Variants in C1QTNF3 observed in about 807,000 individuals in gnomAD.
C1QTNF3 encodes C1q and TNF related 3.
C1QTNF3 carries 26 observed loss-of-function variants against 32.6 expected under a neutral mutation model. The ratio of observed to expected loss-of-function variants is 0.80; its 90% CI spans 0.58 to 1.11. The LOEUF is 1.11. Among genes scored for constraint, C1QTNF3 ranks in the 50% least tolerant of loss-of-function variants. The probability of loss-of-function intolerance (pLI) is 0.00; values close to 1 mark genes in which losing one functional copy is unlikely to be tolerated. For missense variants in C1QTNF3, 362 were observed against 398.2 expected (o/e 0.91, Z 0.77); for synonymous variants, 155 against 146.0 (o/e 1.06, Z -0.44).
At chr5:34,039,828 T>A (rs776488927) in intron 1 of C1QTNF3, among the ~76,000 whole-genome samples, 2 of 152,218 alleles carry the variant, frequency 1.3e-5, no homozygotes, top group Non-Finnish European at 2.9e-5. Context: ...TTTTAGTATC[T>A]AGGCACAAGA....
At chr5:34,157,745 A>C in the C1QTNF3 span, among the ~76,000 whole-genome samples, 1 of 152,154 alleles carries the variant, frequency 6.6e-6, no homozygotes, top group Non-Finnish European at 1.5e-5. Flanking sequence ...CAAGGAAATA[A>C]AATATTTCTT....
At chr5:34,080,001 T>A in the C1QTNF3 span, among the ~76,000 whole-genome samples, 2 of 151,888 alleles carry the variant, frequency 1.3e-5, no homozygotes, top group East Asian at 3.9e-4. Context: ...GTGCATGGCA[T>A]AGATTGTGGA....
At chr5:34,037,846 T>A (rs1315349617) in intron 1 of C1QTNF3, among the ~76,000 whole-genome samples, 2 of 152,208 alleles carry the variant, frequency 1.3e-5, no homozygotes, top group Admixed American at 1.3e-4. Context: ...TCCAAAACTG[T>A]AATCTGAGAA....
the C1QTNF3 span, among the ~76,000 whole-genome samples, chr5:34,158,963 CAT>C: frequency 3.3e-5 from 5 of 151,612 alleles, no homozygotes; most frequent in South Asian, 2.1e-4. Context: ...CACAAACAAT[CAT>C]ATATATATAT....
the C1QTNF3 span, among the ~76,000 whole-genome samples, chr5:34,236,096 C>T: frequency 1.3e-5 from 2 of 152,098 alleles, no homozygotes; most frequent in African/African-American, 4.8e-5. Flanking sequence ...ATTTTGGAGA[C>T]TAAGTTGGAT....
At chr5:34,109,496 T>A in the C1QTNF3 span, among the ~76,000 whole-genome samples, 3 of 152,100 alleles carry the variant, frequency 2.0e-5, no homozygotes, top group South Asian at 6.2e-4. Flanking sequence ...ATTAATTAAA[T>A]CATAATTACA....
At chr5:34,029,129 T>C (rs994274884) in intron 3 of C1QTNF3, 2 of 270,132 alleles carry the variant, frequency 7.4e-6, no homozygotes, top group Admixed American at 1.1e-4. Flanking sequence ...CAAATGATTT[T>C]TGAAATACTA....
chr5:34,036,263 A>G (rs1453191094), intron 1 of C1QTNF3, among the ~76,000 whole-genome samples: 1 of 152,250 alleles, frequency 6.6e-6, no homozygotes, highest in Non-Finnish European at 1.5e-5. Context: ...AATTCTGAAT[A>G]GTAACACTAG....
the C1QTNF3 span, among the ~76,000 whole-genome samples, chr5:34,053,720 C>T: frequency 2.6e-5 from 4 of 152,266 alleles, no homozygotes; most frequent in East Asian, 3.9e-4. Flanking sequence ...TATATTTGAC[C>T]GAATAATAGC....
rs924461050 is a variant in C1QTNF3 at position 34,019,714 on chromosome 5, G to A, written c.*869C>T. 4 of 152,152 alleles carry A rather than the reference G, an allele frequency of 2.6e-5. No homozygotes were observed. The highest frequency in any genetic ancestry group is 4.4e-5 in the Non-Finnish European group (3 of 68,026). 9.4% of individuals were successfully genotyped at this position (152,152 alleles called of 1,614,324 possible). On this transcript the variant is annotated 3_prime_UTR_variant, in exon 6 of 6. Coordinates refer to ENST00000382065, the MANE Select transcript of C1QTNF3 (RefSeq NM_181435.6). ...TAGAAAGTATCTTTAACAAAGGTGT[G>A]TTTATTTCCATATATTGCTCATTAC...
the C1QTNF3 span, among the ~76,000 whole-genome samples, chr5:34,195,203 C>T: frequency 1.3e-5 from 2 of 152,068 alleles, no homozygotes; most frequent in Admixed American, 1.3e-4. Flanking sequence ...ACATTGTACC[C>T]CATATATATG....
At chr5:34,101,360 C>A in the C1QTNF3 span, among the ~76,000 whole-genome samples, 162 of 152,026 alleles carry the variant, frequency 1.1e-3, no homozygotes, top group Middle Eastern at 0.01. Flanking sequence ...TTAGTCTCAT[C>A]ATCTGTAAAA....
the C1QTNF3 span, among the ~76,000 whole-genome samples, chr5:34,061,665 C>G: frequency 6.6e-6 from 1 of 152,182 alleles, no homozygotes; most frequent in African/African-American, 2.4e-5. Flanking sequence ...GGCCCCAGCT[C>G]TATGTTGGCA....
upstream of C1QTNF3, among the ~76,000 whole-genome samples, chr5:34,044,009 A>T (rs548260415): frequency 7.5e-4 from 114 of 152,300 alleles, 1 homozygote; most frequent in Non-Finnish European, 1.1e-3. Context: ...AGCCCAAGAC[A>T]GGTAGATCCC....
At chr5:34,178,168 C>A in the C1QTNF3 span, among the ~76,000 whole-genome samples, 2 of 146,828 alleles carry the variant, frequency 1.4e-5, no homozygotes, top group African/African-American at 2.5e-5. Context: ...GTAATCCAAG[C>A]TACTTGGGAG....
At chr5:34,234,025 T>G in the C1QTNF3 span, among the ~76,000 whole-genome samples, 7,148 of 152,238 alleles carry the variant, frequency 0.047, 575 homozygotes, top group African/African-American at 0.16. Flanking sequence ...TATAAGTTTG[T>G]TCTAAGAATC....
chr5:34,053,917 T>G, the C1QTNF3 span, among the ~76,000 whole-genome samples: 2 of 152,028 alleles, frequency 1.3e-5, no homozygotes, highest in South Asian at 4.2e-4. Flanking sequence ...TGAATTAAGT[T>G]TTTGCTGGCT....
chr5:34,144,929 A>G, the C1QTNF3 span, among the ~76,000 whole-genome samples: 2 of 152,282 alleles, frequency 1.3e-5, no homozygotes, highest in African/African-American at 4.8e-5. Flanking sequence ...GGAGTTTGAT[A>G]CCAGCCTGGC....
chr5:34,074,762 A>G, the C1QTNF3 span, among the ~76,000 whole-genome samples: 1 of 151,656 alleles, frequency 6.6e-6, no homozygotes, highest in Non-Finnish European at 1.5e-5. Context: ...GCTGGAAGGC[A>G]CTAAGAATAT....
Sources: gnomAD v4.1 joint callset for allele counts (sites outside exome capture counted in the v4.1 genomes callset) on GRCh38, gnomAD v4.1.1 for gene constraint, MANE v1.5 for transcripts, NCBI Gene and HGNC (gene_info 2026-07-23, HGNC 2026-07-21) for gene names.